NINJ2: variants seen among roughly 807,000 people sequenced by gnomAD.
NINJ2 encodes ninjurin 2.
NINJ2 carries 12 observed loss-of-function variants against 11.7 expected under a neutral mutation model. The observed-to-expected ratio is 1.02, with a 90% CI of 0.66 to 1.66. NINJ2 has a LOEUF of 1.66. Ranked by LOEUF, NINJ2 falls within the 40% of genes most tolerant of loss-of-function variation. NINJ2 has a pLI of 0.00. For synonymous variants in NINJ2, 93 were observed against 76.8 expected (o/e 1.21, Z -1.10); for missense variants, 187 against 181.8 (o/e 1.03, Z -0.16).
chr12:658,391 T>C (rs1197387820), intron 1 of NINJ2, among the ~76,000 whole-genome samples: 5 of 152,064 alleles, frequency 3.3e-5, no homozygotes, highest in African/African-American at 1.2e-4. Context: ...TAAACAGTAG[T>C]ACATCCAGAC....
chr12:602,161 A>G (rs1337262057), intron 1 of NINJ2, among the ~76,000 whole-genome samples: 1 of 152,250 alleles, frequency 6.6e-6, no homozygotes, highest in African/African-American at 2.4e-5. Context: ...AGACTGAGCC[A>G]TAATCCACAC....
At chr12:574,460 T>A (rs193106968) in intron 1 of NINJ2, among the ~76,000 whole-genome samples, 6 of 152,316 alleles carry the variant, frequency 3.9e-5, no homozygotes, top group Admixed American at 2.6e-4. Context: ...AAGTGGGAAC[T>A]TTAAGAGGCA....
At position 564,538 on chromosome 12, in the gene NINJ2, T is replaced by A. The variant is rs2245910; in HGVS notation, c.*162A>T. 0.17 allele frequency: 25,650 copies of A among 152,192 alleles called. 3,099 individuals are homozygous for A. The highest frequency in any genetic ancestry group is 0.32 in the African/African-American group (13,382 of 41,488). 9.4% of individuals were successfully genotyped at this position (152,192 alleles called of 1,614,324 possible). ...ATGGAAGTCCCTTAGACCAATAACATAAAAATCACTTTTTAACTCAGGTGC... is the reference window on the plus strand; with the variant it reads ...ATGGAAGTCCCTTAGACCAATAACAAAAAAATCACTTTTTAACTCAGGTGC... On this transcript the variant is annotated 3_prime_UTR_variant, in exon 4 of 4. Transcript: ENST00000305108.
chr12:620,364 AG>A (rs1376885793), intron 1 of NINJ2, among the ~76,000 whole-genome samples: 1 of 152,188 alleles, frequency 6.6e-6, no homozygotes, highest in Admixed American at 6.5e-5. Context: ...GGAAGGGGAG[AG>A]GGTCTCAGAC....
chr12:633,334 C>T lies in NINJ2; in HGVS notation c.33+29994G>A, dbSNP rs1948304904. 6.6e-6 allele frequency among the ~76,000 whole-genome samples: 1 copy of T among 152,104 alleles called. No homozygotes were observed. Among genetic ancestry groups the T allele is most frequent in the Non-Finnish European group, 1.5e-5 (1 of 68,024 alleles). ...CCAACATGGTGAAACCCTGTCTCTA[C>T]TAAAAATACAAAAATTAGCCAGACA... is the stretch of plus-strand genomic sequence containing the variant. On this transcript the variant is annotated intron_variant, in intron 1 of 3. Coordinates refer to ENST00000305108, the MANE Select transcript of NINJ2 (RefSeq NM_016533.6). The surrounding 1 kb of genome is among the most constrained non-coding windows in gnomAD (Gnocchi z 4.3).
chr12:596,526 G>A (rs1461626126), intron 1 of NINJ2, among the ~76,000 whole-genome samples: 1 of 152,082 alleles, frequency 6.6e-6, no homozygotes, highest in African/African-American at 2.4e-5. Flanking sequence ...GAATTTCGCT[G>A]TGAATTTTAC....
At chr12:588,173 G>A (rs1409671854) in intron 1 of NINJ2, among the ~76,000 whole-genome samples, 1 of 129,988 alleles carries the variant, frequency 7.7e-6, no homozygotes, top group East Asian at 2.1e-4. Flanking sequence ...GGGACGGAAG[G>A]GACGGAAGGG....
chr12:608,124 G>A (rs1005729857), intron 1 of NINJ2, among the ~76,000 whole-genome samples: 1 of 152,092 alleles, frequency 6.6e-6, no homozygotes, highest in African/African-American at 2.4e-5. Context: ...CATTGTTTTC[G>A]AATTGTCCAC....
At chr12:658,084 C>T (rs542275801) in intron 1 of NINJ2, among the ~76,000 whole-genome samples, 8 of 150,160 alleles carry the variant, frequency 5.3e-5, no homozygotes, top group East Asian at 2.0e-4. Context: ...CTGCAACCTC[C>T]GCCTCCCGGG....
At chr12:599,749 C>G (rs546772428) in intron 1 of NINJ2, among the ~76,000 whole-genome samples, 1 of 152,206 alleles carries the variant, frequency 6.6e-6, no homozygotes, top group Non-Finnish European at 1.5e-5. Flanking sequence ...CCCAGCCCCA[C>G]GACTGCGCTT....
At chr12:602,830 T>G (rs1947889448) in intron 1 of NINJ2, among the ~76,000 whole-genome samples, 2 of 152,026 alleles carry the variant, frequency 1.3e-5, no homozygotes, top group South Asian at 4.2e-4. Flanking sequence ...TCATTGTGGG[T>G]TTTCTTTTGC....
At chr12:624,345 C>T (rs1393874602) in intron 1 of NINJ2, among the ~76,000 whole-genome samples, 1 of 152,150 alleles carries the variant, frequency 6.6e-6, no homozygotes, top group Admixed American at 6.5e-5. Context: ...ATTTATGGAG[C>T]TCTAACTGGG....
rs1948236056 is a variant in NINJ2, at chr12:628,691, C to A, written c.33+34637G>T. Among the ~76,000 whole-genome samples the A allele has an allele frequency of 6.6e-6, 1 of 152,098 alleles. No homozygotes were observed. The highest frequency in any genetic ancestry group is 6.6e-5 in the Admixed American group (1 of 15,250). On this transcript the variant is annotated intron_variant, in intron 1 of 3. Coordinates refer to ENST00000305108, the MANE Select transcript of NINJ2 (RefSeq NM_016533.6). The surrounding 1 kb of genome is among the most constrained non-coding windows in gnomAD (Gnocchi z 4.4). Reference sequence around the variant, plus strand: ...CAGCACAAGACACAGGTCACAAAGGCCCTGCTGATAAAGCAGGATGCAGTA... The same window carrying A: ...CAGCACAAGACACAGGTCACAAAGGACCTGCTGATAAAGCAGGATGCAGTA...
Position 565,296 on chromosome 12 carries a change from G to A in NINJ2, c.368C>T (p.Thr123Ile), listed in dbSNP as rs774211084. ...CCCTGTTTTATGTGCCCCGAAGGCT[G>A]TAATGAAAACATTGATGACCACAGT... ...FFTVVINVFI[T>I]AFGAHKTGFL... Residue 123 changes from threonine (T) to isoleucine (I), a missense_variant, in exon 3 of 4, where the codon ACA becomes ATA. Physicochemically the swap from Thr to Ile is moderately conservative, Grantham distance 89. Transcript: ENST00000305108. 1 of 1,614,104 alleles carries A rather than the reference G, an allele frequency of 6.2e-7. No individual in the cohort carries two copies. Among genetic ancestry groups the A allele is most frequent in the African/African-American group, 1.3e-5 (1 of 74,940 alleles).
At chr12:570,036 C>T (rs1475943654) in intron 1 of NINJ2, among the ~76,000 whole-genome samples, 1 of 152,202 alleles carries the variant, frequency 6.6e-6, no homozygotes. Context: ...ACCTGGACCC[C>T]TCCGAGGCCC....
At chr12:597,391 C>T (rs746698911) in intron 1 of NINJ2, among the ~76,000 whole-genome samples, 7 of 152,164 alleles carry the variant, frequency 4.6e-5, no homozygotes, top group African/African-American at 1.4e-4. Flanking sequence ...TATTATTATA[C>T]GTTTTCTTAC....
chr12:618,049 C>CTT lies in NINJ2; in HGVS notation c.33+45278_33+45279insAA, dbSNP rs1948113004. 5.9e-5 allele frequency among the ~76,000 whole-genome samples: 9 copies of CTT among 151,964 alleles called. No individual in the cohort carries two copies. The South Asian group carries it at 1.9e-3, about 32-fold the overall frequency. ...GATTTACGGATTTAATGTCAGACTG[C>CTT]ATAAAAGCCTCCTCTCTCTCCTTCG... On this transcript the variant is annotated intron_variant, in intron 1 of 3. Transcript: ENST00000305108.
intron 1 of NINJ2, chr12:644,787 C>A (rs1003054254): frequency 2.6e-4 from 40 of 152,262 alleles, no homozygotes; most frequent in African/African-American, 8.2e-4. Context: ...TGATAGAATT[C>A]ATATTTAGTA....
intron 1 of NINJ2, among the ~76,000 whole-genome samples, chr12:659,345 G>A (rs1937925748): frequency 6.6e-6 from 1 of 152,158 alleles, no homozygotes. Flanking sequence ...AACTGGATCT[G>A]CCTGGGGAAT....
Sources: gnomAD v4.1 joint callset for allele counts (sites outside exome capture counted in the v4.1 genomes callset) on GRCh38, gnomAD v4.1.1 for gene constraint, Gnocchi (gnomAD v3.1) non-coding constraint, MANE v1.5 for transcripts, NCBI Gene and HGNC (gene_info 2026-07-23, HGNC 2026-07-21) for gene names.